LARGE1: variants seen among roughly 807,000 people sequenced by gnomAD.
LARGE1 encodes the protein xylosyl- and glucuronyltransferase LARGE1.
Under a neutral mutation model 87.6 loss-of-function variants are expected in LARGE1, and 43 were observed. The ratio of observed to expected loss-of-function variants is 0.49; its 90% CI spans 0.38 to 0.63. The LOEUF (loss-of-function observed/expected upper bound fraction) is 0.63. Among genes scored for constraint, LARGE1 ranks in the 30% least tolerant of loss-of-function variants. The probability of loss-of-function intolerance (pLI) is 0.00; values close to 1 mark genes in which losing one functional copy is unlikely to be tolerated. For synonymous variants in LARGE1, 434 were observed against 394.6 expected, an observed-to-expected ratio of 1.10 and a Z score of -1.18; for missense variants, 802 against 1,000.2, an observed-to-expected ratio of 0.80 and a Z score of 2.67.
chr22:33,336,270 G>C (rs1477450689), intron 10 of LARGE1, among the ~76,000 whole-genome samples: 1 of 151,988 alleles, frequency 6.6e-6, no homozygotes, highest in African/African-American at 2.4e-5. Context: ...GCATGATCTC[G>C]GCTCACTGTA....
chr22:33,632,123 CGTTT>C (rs895792149), intron 3 of LARGE1, among the ~76,000 whole-genome samples: 4 of 152,162 alleles, frequency 2.6e-5, no homozygotes, highest in Non-Finnish European at 5.9e-5. Context: ...AGAGTCTGGC[CGTTT>C]GTTTGTTTGT....
At chr22:33,854,827 A>T (rs1415050233) in intron 1 of LARGE1, among the ~76,000 whole-genome samples, 1 of 152,242 alleles carries the variant, frequency 6.6e-6, no homozygotes, top group Non-Finnish European at 1.5e-5. Flanking sequence ...TGACATATGT[A>T]AATATATAAT....
At chr22:33,224,576 A>G (rs1458903492) in intron 11 of LARGE1, among the ~76,000 whole-genome samples, 1 of 152,140 alleles carries the variant, frequency 6.6e-6, no homozygotes, top group Non-Finnish European at 1.5e-5. Flanking sequence ...ACCATGGAAA[A>G]CCATATCATC....
At chr22:33,855,530 C>G (rs1196078623) in intron 1 of LARGE1, among the ~76,000 whole-genome samples, 1 of 152,094 alleles carries the variant, frequency 6.6e-6, no homozygotes, top group African/African-American at 2.4e-5. Context: ...CTGTGTGGTA[C>G]AATCCCCAGG....
intron 11 of LARGE1, among the ~76,000 whole-genome samples, chr22:33,311,085 C>T (rs996520693): frequency 4.6e-5 from 7 of 152,092 alleles, no homozygotes; most frequent in Non-Finnish European, 7.4e-5. Flanking sequence ...CTCAGCCTCC[C>T]GTGTAGCTGG....
chr22:33,343,318 C>A (rs1374584454), intron 9 of LARGE1, among the ~76,000 whole-genome samples: 1 of 152,076 alleles, frequency 6.6e-6, no homozygotes, highest in Non-Finnish European at 1.5e-5. Flanking sequence ...TTAGGTCTCA[C>A]TATGTTGTCC....
At chr22:33,323,538 G>A (rs1268607641) in intron 10 of LARGE1, among the ~76,000 whole-genome samples, 2 of 152,284 alleles carry the variant, frequency 1.3e-5, no homozygotes, top group East Asian at 1.9e-4. Flanking sequence ...AGGAGATGGA[G>A]GTGAGAATCA....
intron 11 of LARGE1, among the ~76,000 whole-genome samples, chr22:33,183,978 T>A (rs758768588): frequency 6.6e-6 from 1 of 151,248 alleles, no homozygotes; most frequent in African/African-American, 2.4e-5. Context: ...TTACTCAAAA[T>A]TTGATAAGAG....
In LARGE1 at chr22:33,318,748, A is replaced by T. The variant is rs80285650; in HGVS notation, c.1288-2500T>A. Among the ~76,000 whole-genome samples the T allele has an allele frequency of 8.4e-4, 124 of 147,984 alleles. 1 individual carries two copies. Among genetic ancestry groups the T allele is most frequent in the African/African-American group, 9.7e-4 (40 of 41,050 alleles). On this transcript the variant is annotated intron_variant, in intron 10 of 14. Transcript: ENST00000397394. The stretch of plus-strand genomic sequence containing the variant: ...TGTACCCTAAAACTTAAAGTATATT[A>T]AAAAAAAATGATAATTTGCCAAAGG...
intron 11 of LARGE1, among the ~76,000 whole-genome samples, chr22:33,186,946 G>T (rs114214266): frequency 3.9e-5 from 6 of 152,310 alleles, no homozygotes; most frequent in African/African-American, 1.2e-4. Flanking sequence ...CATCAGTTCA[G>T]CAACATGGTG....
intron 9 of LARGE1, among the ~76,000 whole-genome samples, chr22:33,354,997 T>C (rs1362842408): frequency 2.6e-5 from 4 of 152,224 alleles, no homozygotes; most frequent in African/African-American, 9.6e-5. Context: ...CTCAAACATA[T>C]AATAAAATGA....
chr22:33,384,164 A>G (rs759129291), intron 8 of LARGE1, 28 bp downstream of exon 8: 5 of 1,469,120 alleles, frequency 3.4e-6, no homozygotes, highest in Non-Finnish European at 4.8e-6. Context: ...ACTCAGGAAT[A>G]GCTGCACCTT....
In LARGE1 at chr22:33,463,275, AG is replaced by A. The variant is rs2068452561; in HGVS notation, c.788-31011del. 4.6e-5 allele frequency among the ~76,000 whole-genome samples: 7 copies of A among 152,028 alleles called. 1 individual carries two copies. The South Asian group carries it at 1.5e-3, about 32-fold the overall frequency. On this transcript the variant is annotated intron_variant, in intron 6 of 14. Transcript: ENST00000397394. ...AAAACTCTGAAAATAAAAAGAGGGAAGAAGACATAAAAGAAAATACAAATAC... is the reference window on the plus strand; with the variant it reads ...AAAACTCTGAAAATAAAAAGAGGGAAAAGACATAAAAGAAAATACAAATAC...
rs188174867 is a variant in LARGE1 at position 33,707,687 on chromosome 22, T to C, written c.106+53684A>G. ...ATTTGGCCCTGTCTACCTGCAAAGA[T>C]ACAGATAAGTCCGGGGGAAGCAAAA... On this transcript the variant is annotated intron_variant, in intron 2 of 14. Coordinates refer to ENST00000397394, the MANE Select transcript of LARGE1 (RefSeq NM_133642.5). Among the ~76,000 whole-genome samples, 26 of 152,354 alleles carry C rather than the reference T, an allele frequency of 1.7e-4. No individual in the cohort carries two copies. The East Asian group carries it at 4.6e-3, about 27-fold the overall frequency.
downstream of LARGE1, among the ~76,000 whole-genome samples, chr22:33,268,282 G>C (rs980930172): frequency 6.6e-6 from 1 of 151,102 alleles, no homozygotes; most frequent in East Asian, 1.9e-4. Flanking sequence ...TTACATCGCC[G>C]TTTTGATGTA....
rs1925147356 is a variant in LARGE1 at position 33,215,214 on chromosome 22, C to T, written c.1731-48382G>A. Among the ~76,000 whole-genome samples the T allele has an allele frequency of 2.0e-5, 3 of 152,250 alleles. No individual in the cohort carries two copies. In the South Asian group the frequency reaches 6.2e-4, roughly 32 times the overall value. ...AAGCTGTATTCCTAGGTATACAGCA[C>T]TAAATGCCACCGTGCCCGGCCTTAC... On this transcript the variant is annotated intron_variant, in intron 11 of 11. Transcript: ENST00000608642.
chr22:33,746,029 C>T lies in LARGE1; in HGVS notation c.106+15342G>A, dbSNP rs150680118. Reference sequence around the variant, plus strand: ...TGCCTGGGTTCAATCTCAGCTTTACCTATTTTCAAACTTCTCTGTGCCTCT... The same window carrying T: ...TGCCTGGGTTCAATCTCAGCTTTACTTATTTTCAAACTTCTCTGTGCCTCT... On this transcript the variant is annotated intron_variant, in intron 2 of 14. Coordinates refer to ENST00000397394, the MANE Select transcript of LARGE1 (RefSeq NM_133642.5). 1.8e-3 allele frequency among the ~76,000 whole-genome samples: 270 copies of T among 152,318 alleles called. 2 individuals are homozygous for T. The highest frequency in any genetic ancestry group is 6.4e-3 in the African/African-American group (264 of 41,564).
rs137984642 is a variant in LARGE1, at chr22:33,594,344, C to A, written c.615+10091G>T. 2.1e-3 allele frequency among the ~76,000 whole-genome samples: 325 copies of A among 152,200 alleles called. 2 individuals carry two copies. The highest frequency in any genetic ancestry group is 7.6e-3 in the African/African-American group (316 of 41,508). On this transcript the variant is annotated intron_variant, in intron 5 of 14. Transcript: ENST00000397394. ...CCAACAACACCTCAGCCACTCAATCCCAGGCTAACATGCCAAAAAAAGAAC... is the reference window on the plus strand; with the variant it reads ...CCAACAACACCTCAGCCACTCAATCACAGGCTAACATGCCAAAAAAAGAAC...
intron 6 of LARGE1, among the ~76,000 whole-genome samples, chr22:33,509,096 T>TA (rs1192782971): frequency 2.0e-5 from 3 of 152,156 alleles, no homozygotes; most frequent in African/African-American, 7.2e-5. Context: ...ATCACCTGCC[T>TA]AAAATGATCC....
Sources: gnomAD v4.1 joint callset for allele counts (sites outside exome capture counted in the v4.1 genomes callset) on GRCh38, gnomAD v4.1.1 for gene constraint, MANE v1.5 for transcripts, NCBI Gene and HGNC (gene_info 2026-07-23, HGNC 2026-07-21) for gene names.